The following GALNT14 variants were observed in gnomAD, a reference collection of about 807,000 sequenced individuals.
The protein encoded by GALNT14 is UDP-GalNAc:polypeptide N-acetylgalactosaminyltransferase 14.
A neutral mutation model predicts 77.5 loss-of-function variants in GALNT14; 60 were observed. The observed-to-expected ratio is 0.77, with a 90% confidence interval of 0.63 to 0.96. The LOEUF is 0.96. GALNT14 is among the 40% of genes least tolerant of loss of function. The pLI is 0.00. For synonymous variants in GALNT14, 280 were observed against 281.7 expected (o/e 0.99, Z 0.06); for missense variants, 710 against 731.0 (o/e 0.97, Z 0.33).
At chr2:30,941,720 G>A (rs1168971571) in intron 9 of GALNT14, among the ~76,000 whole-genome samples, 1 of 152,100 alleles carries the variant, frequency 6.6e-6, no homozygotes, top group East Asian at 1.9e-4. Flanking sequence ...CTCATTACCC[G>A]AAACTGAGTG....
rs552425233 is a variant in GALNT14, at chr2:31,123,017, TA to T, written c.129+14940del. 5.3e-4 allele frequency among the ~76,000 whole-genome samples: 80 copies of T among 151,878 alleles called. 3 individuals are homozygous for T. The South Asian group carries it at 0.016, about 30-fold the overall frequency. Reference sequence around the variant, plus strand: ...TAACACAGTGAAACCCTGTCTCTACTAAAAAATACAAAAAATTAGCCGGGCG... The same window carrying T: ...TAACACAGTGAAACCCTGTCTCTACTAAAAATACAAAAAATTAGCCGGGCG... On this transcript the variant is annotated intron_variant, in intron 1 of 14. Coordinates refer to ENST00000349752, the MANE Select transcript of GALNT14 (RefSeq NM_024572.4).
At chr2:31,093,314 A>T (rs577618222) in intron 1 of GALNT14, among the ~76,000 whole-genome samples, 20 of 152,050 alleles carry the variant, frequency 1.3e-4, no homozygotes, top group South Asian at 2.1e-4. Flanking sequence ...GGTTTCCATG[A>T]TCAAACTTCT....
chr2:31,043,943 C>T (rs1673259427), intron 1 of GALNT14, among the ~76,000 whole-genome samples: 1 of 76,118 alleles, frequency 1.3e-5, no homozygotes, highest in South Asian at 5.6e-4. Context: ...CCTGCAGTTA[C>T]AGCGTGCTCC....
chr2:31,076,631 T>TATATATATA lies in GALNT14; in HGVS notation c.129+61326_129+61327insTATATATAT, dbSNP rs1558551969. Among the ~76,000 whole-genome samples the TATATATATA allele has an allele frequency of 6.8e-4, 77 of 112,688 alleles. 1 individual carries two copies. The highest frequency in any genetic ancestry group is 2.6e-3 in the African/African-American group (74 of 28,246). The allele number at this position is 112,688 out of a possible 152,430, so 73.9% of individuals were successfully genotyped here. ...TGTATACATATATATATATATATAT[T>TATATATATA]TTTTTTTTTTTTACATGTACATATA... On this transcript the variant is annotated intron_variant, in intron 1 of 14. Coordinates refer to ENST00000349752, the MANE Select transcript of GALNT14 (RefSeq NM_024572.4).
Position 31,026,017 on chromosome 2 carries a change from TC to T in GALNT14, c.130-33011del, listed in dbSNP as rs1308467770. ...TCTACTGATTTAAATGTTAAACATA[TC>T]TAAAAAAAATCTTCATAGCACACTG... On this transcript the variant is annotated intron_variant, in intron 1 of 14. Transcript: ENST00000349752. Among the ~76,000 whole-genome samples the T allele has an allele frequency of 3.9e-5, 6 of 152,080 alleles. No homozygotes were observed. In the East Asian group the frequency reaches 1.2e-3, roughly 29 times the overall value.
At chr2:30,912,716 C>T (rs532872114) in intron 13 of GALNT14, among the ~76,000 whole-genome samples, 3 of 152,178 alleles carry the variant, frequency 2.0e-5, no homozygotes, top group African/African-American at 7.2e-5. Flanking sequence ...CTTGACATTT[C>T]AAGCAGCCAT....
At chr2:31,056,271 T>A (rs1005255480) in intron 1 of GALNT14, among the ~76,000 whole-genome samples, 1 of 152,220 alleles carries the variant, frequency 6.6e-6, no homozygotes, top group Non-Finnish European at 1.5e-5. Context: ...GGTGATCATC[T>A]TCTGGTTTAC....
chr2:31,132,212 T>C (rs370418822), intron 1 of GALNT14, among the ~76,000 whole-genome samples: 1 of 152,300 alleles, frequency 6.6e-6, no homozygotes, highest in East Asian at 1.9e-4. Context: ...CTCCGGGCCT[T>C]GGGACAACCC....
intron 1 of GALNT14, among the ~76,000 whole-genome samples, chr2:30,999,128 T>C (rs1289840176): frequency 6.6e-6 from 1 of 152,200 alleles, no homozygotes; most frequent in African/African-American, 2.4e-5. Context: ...AAAACAGCGA[T>C]GTAAATTCTT....
At position 31,035,203 on chromosome 2, in the gene GALNT14, A is replaced by G. The variant is rs572154362; in HGVS notation, c.130-42196T>C. ...CCTATTATCAAAAGTGAGGTATTGA[A>G]GTTTCTACCTATAATTATTGAATGG... is the stretch of plus-strand genomic sequence containing the variant. On this transcript the variant is annotated intron_variant, in intron 1 of 14. Transcript: ENST00000349752. 2.6e-5 allele frequency among the ~76,000 whole-genome samples: 4 copies of G among 152,212 alleles called. No individual in the cohort carries two copies. The East Asian group carries it at 7.7e-4, about 29-fold the overall frequency.
At chr2:30,906,473 T>C (rs1572944741), downstream of GALNT14, among the ~76,000 whole-genome samples, 1 of 149,600 alleles carries the variant, frequency 6.7e-6, no homozygotes, top group Non-Finnish European at 1.5e-5. Flanking sequence ...GGCCATTACA[T>C]AATGGTAAAG....
chr2:31,038,072 ATATATATATATATTTTTTTTTTTTT>A (rs1387273161), intron 1 of GALNT14, among the ~76,000 whole-genome samples: 1 of 76,202 alleles, frequency 1.3e-5, no homozygotes, highest in African/African-American at 6.5e-5. Flanking sequence ...TGCCATATAT[ATATATATATATATTTTTTTTTTTTT>A]TTTTTTTTTT....
chr2:31,079,178 G>T, intron 1 of GALNT14: 2 of 613,576 alleles, frequency 3.3e-6, no homozygotes, highest in Non-Finnish European at 4.7e-6. Context: ...CTCCACATCA[G>T]TGTGGAAGTT....
rs558406413 is a variant in GALNT14, at chr2:31,067,504, A to G, written c.129+70454T>C. Among the ~76,000 whole-genome samples the G allele has an allele frequency of 2.0e-5, 3 of 152,092 alleles. No individual in the cohort carries two copies. In the East Asian group the frequency reaches 5.8e-4, roughly 30 times the overall value. On this transcript the variant is annotated intron_variant, in intron 1 of 14. Transcript: ENST00000349752. ...CCGGTTTTGTGCCGGCAGAGGGTGC[A>G]CTCACTCAGGAAAGCAGGGTCTGCT...
chr2:30,892,787 G>C, the GALNT14 span, among the ~76,000 whole-genome samples: 1 of 152,154 alleles, frequency 6.6e-6, no homozygotes, highest in Admixed American at 6.5e-5. Flanking sequence ...CCACTGCTGT[G>C]AGTATTAAAC....
At chr2:31,010,439 A>T (rs1558489815) in intron 1 of GALNT14, among the ~76,000 whole-genome samples, 2 of 152,216 alleles carry the variant, frequency 1.3e-5, no homozygotes, top group Admixed American at 6.5e-5. Flanking sequence ...CTCTACTAAA[A>T]ATACAAAAAA....
chr2:30,946,198 C>A (rs558201253), intron 6 of GALNT14, among the ~76,000 whole-genome samples: 1 of 152,254 alleles, frequency 6.6e-6, no homozygotes, highest in South Asian at 2.1e-4. Context: ...GAAGGGGCTC[C>A]AGAAGGCCTT....
At chr2:31,056,241 T>C (rs1021471098) in intron 1 of GALNT14, among the ~76,000 whole-genome samples, 5 of 152,176 alleles carry the variant, frequency 3.3e-5, no homozygotes, top group Admixed American at 6.5e-5. Flanking sequence ...GGTCCCACTT[T>C]GAGAAAATGC....
chr2:30,978,588 G>C (rs370945314), intron 2 of GALNT14, among the ~76,000 whole-genome samples: 2 of 152,182 alleles, frequency 1.3e-5, no homozygotes, highest in African/African-American at 4.8e-5. Flanking sequence ...TCTGTTGAGC[G>C]AGGATGGTTT....
Sources: allele counts gnomAD v4.1 joint callset (sites outside exome capture counted in the v4.1 genomes callset), GRCh38; gene constraint gnomAD v4.1.1; transcripts MANE v1.5; gene names NCBI Gene and HGNC (gene_info 2026-07-23, HGNC 2026-07-21).